Variants in LRRTM4 observed in about 807,000 individuals in gnomAD.
The protein encoded by LRRTM4 is leucine-rich repeat transmembrane neuronal protein 4.
A neutral mutation model predicts 47.6 loss-of-function variants in LRRTM4; 25 were observed. The observed-to-expected ratio is 0.53, with a 90% CI of 0.38 to 0.73. The LOEUF (loss-of-function observed/expected upper bound fraction) is 0.73. Among genes scored for constraint, LRRTM4 ranks in the 30% least tolerant of loss-of-function variants. The pLI is 0.00. For synonymous variants in LRRTM4, 311 were observed against 269.5 expected (o/e 1.15, Z -1.51); for missense variants, 638 against 713.4 (o/e 0.89, Z 1.20).
chr2:76,863,358 A>G (rs571664555), intron 3 of LRRTM4, among the ~76,000 whole-genome samples: 3 of 152,322 alleles, frequency 2.0e-5, no homozygotes, highest in Admixed American at 6.5e-5. Flanking sequence ...TTAATATAAT[A>G]TAATGACCCA....
chr2:76,799,560 C>T (rs1006758976), intron 3 of LRRTM4, among the ~76,000 whole-genome samples: 1 of 142,750 alleles, frequency 7.0e-6, no homozygotes, highest in Non-Finnish European at 1.5e-5. Flanking sequence ...GATGCCCTCT[C>T]TCACCACTCC....
intron 3 of LRRTM4, among the ~76,000 whole-genome samples, chr2:77,008,300 C>G (rs1677735389): frequency 6.6e-6 from 1 of 152,102 alleles, no homozygotes; most frequent in South Asian, 2.1e-4. Flanking sequence ...ATATGTAAAA[C>G]CTCTAACCTT....
intron 3 of LRRTM4, among the ~76,000 whole-genome samples, chr2:76,810,688 T>A (rs531313675): frequency 5.8e-4 from 88 of 152,294 alleles, no homozygotes; most frequent in Admixed American, 1.8e-3. Flanking sequence ...TAACTTAACT[T>A]CCTTATTTAG....
rs1222177148 is a variant in LRRTM4, at chr2:77,411,618, ATTTTTTT to A, written c.1551+106693_1551+106699del. On this transcript the variant is annotated intron_variant, in intron 3 of 3. Coordinates refer to ENST00000409884, the MANE Select transcript of LRRTM4 (RefSeq NM_001134745.3). ...CAGGCCCCCGCCACCATGCCCGGCT[ATTTTTTT>A]TTTTTTTTTTTTTTTTTTGTAATTT... Among the ~76,000 whole-genome samples, 37 of 64,802 alleles carry A rather than the reference ATTTTTTT, an allele frequency of 5.7e-4. 1 individual carries two copies. The highest frequency in any genetic ancestry group is 1.5e-3 in the African/African-American group (23 of 15,632). The allele number at this position is 64,802 out of a possible 152,430, so 42.5% of individuals were successfully genotyped here.
At chr2:76,854,274 T>TATTA (rs1672083554) in intron 3 of LRRTM4, among the ~76,000 whole-genome samples, 1 of 152,136 alleles carries the variant, frequency 6.6e-6, no homozygotes. Flanking sequence ...GGGTTAGTAT[T>TATTA]ATTATTTTAA....
chr2:76,954,484 A>C (rs75631408), intron 3 of LRRTM4, among the ~76,000 whole-genome samples: 3,083 of 151,178 alleles, frequency 0.02, 89 homozygotes, highest in African/African-American at 0.066. Context: ...GTCATTTGAA[A>C]TTATCCAGCC....
intron 3 of LRRTM4, among the ~76,000 whole-genome samples, chr2:77,229,444 A>C (rs1674904251): frequency 6.6e-6 from 1 of 152,136 alleles, no homozygotes; most frequent in African/African-American, 2.4e-5. Flanking sequence ...CTAAATTACT[A>C]GTTCAACTTT....
chr2:76,798,165 C>T (rs1675455351), intron 3 of LRRTM4, among the ~76,000 whole-genome samples: 1 of 152,048 alleles, frequency 6.6e-6, no homozygotes, highest in Non-Finnish European at 1.5e-5. Flanking sequence ...CAGCACCGCA[C>T]CACACCTATT....
At chr2:77,472,411 C>T (rs943006236) in intron 3 of LRRTM4, among the ~76,000 whole-genome samples, 9 of 152,176 alleles carry the variant, frequency 5.9e-5, no homozygotes, top group South Asian at 2.1e-4. Flanking sequence ...CTCACAGGAA[C>T]GTACCCTGTA....
intron 3 of LRRTM4, among the ~76,000 whole-genome samples, chr2:76,984,202 G>A (rs1676713616): frequency 6.6e-6 from 1 of 151,968 alleles, no homozygotes; most frequent in Admixed American, 6.6e-5. Flanking sequence ...ATACACATAA[G>A]ACAGCTTTTC....
intron 3 of LRRTM4, among the ~76,000 whole-genome samples, chr2:77,371,832 T>G (rs1002635769): frequency 6.6e-6 from 1 of 151,726 alleles, no homozygotes; most frequent in African/African-American, 2.4e-5. Flanking sequence ...CCACGGTAAA[T>G]GGTCATGTCA....
chr2:77,198,103 G>A (rs967530551), intron 3 of LRRTM4, among the ~76,000 whole-genome samples: 3 of 152,070 alleles, frequency 2.0e-5, no homozygotes, highest in African/African-American at 4.8e-5. Context: ...CTTCTATTTC[G>A]TCTTCATGCA....
At chr2:76,898,987 T>C (rs1339376080) in intron 3 of LRRTM4, among the ~76,000 whole-genome samples, 1 of 152,060 alleles carries the variant, frequency 6.6e-6, no homozygotes, top group African/African-American at 2.4e-5. Flanking sequence ...TTCTCTTTGA[T>C]TAATTTACAT....
rs1425706105 is a variant in LRRTM4, at chr2:77,521,837, C to CAG, written c.-147-20_-147-19insCT. 6.6e-6 allele frequency: 1 copy of CAG among 150,458 alleles called. No homozygotes were observed. The highest frequency in any genetic ancestry group is 4.5e-5 in the African/African-American group (1 of 22,230). 9.3% of individuals were successfully genotyped at this position (150,458 alleles called of 1,614,324 possible). On this transcript the variant is annotated intron_variant, in intron 1 of 3. Transcript: ENST00000409884. Reference sequence around the variant, plus strand: ...ATACAAACTTCCCCGAGAGGACAGGCAAAAAAAAAAAAAAAAAATACATAT... The same window carrying CAG: ...ATACAAACTTCCCCGAGAGGACAGGCAGAAAAAAAAAAAAAAAAAATACATAT...
chr2:77,320,132 C>T (rs2104223029), intron 3 of LRRTM4, among the ~76,000 whole-genome samples: 1 of 151,106 alleles, frequency 6.6e-6, no homozygotes. Flanking sequence ...ACTCTGAGGC[C>T]TCTGCCCTCC....
chr2:76,899,657 A>C (rs1468705545), intron 3 of LRRTM4, among the ~76,000 whole-genome samples: 1 of 152,102 alleles, frequency 6.6e-6, no homozygotes, highest in Non-Finnish European at 1.5e-5. Flanking sequence ...GTAATAGAAA[A>C]ATTATTAAAA....
rs1679218939 is a variant in LRRTM4, at chr2:77,516,706, T to C, written c.1551+1612A>G. The C allele has an allele frequency of 8.3e-6, 8 of 967,726 alleles. 1 individual carries two copies. In the South Asian group the frequency reaches 3.4e-4, roughly 41 times the overall value. The allele number at this position is 967,726 out of a possible 1,614,324, so 59.9% of individuals were successfully genotyped here. ...TATTCTTTTTAATTTTTAAGGGCAA[T>C]TGCTTATACAGTTTCCTTTTAGGAA... On this transcript the variant is annotated intron_variant, in intron 3 of 3. Transcript: ENST00000409884.
chr2:76,998,837 C>T (rs533476731), intron 3 of LRRTM4, among the ~76,000 whole-genome samples: 1 of 151,526 alleles, frequency 6.6e-6, no homozygotes, highest in African/African-American at 2.4e-5. Flanking sequence ...GACTTATAGC[C>T]CCTTTGTGGT....
chr2:77,020,997 TG>T lies in LRRTM4; in HGVS notation c.1552-272082del, dbSNP rs369910231. Among the ~76,000 whole-genome samples, 50 of 152,312 alleles carry T rather than the reference TG, an allele frequency of 3.3e-4. No homozygotes were observed. The East Asian group carries it at 9.5e-3, about 29-fold the overall frequency. ...ATCCTGTATGTGTCTCACCATTATA[TG>T]CTTGGAGCATGAAGGTATATAACTC... On this transcript the variant is annotated intron_variant, in intron 3 of 3. Transcript: ENST00000409884.
Sources: allele counts gnomAD v4.1 joint callset (sites outside exome capture counted in the v4.1 genomes callset), GRCh38; gene constraint gnomAD v4.1.1; transcripts MANE v1.5; gene names NCBI Gene and HGNC (gene_info 2026-07-23, HGNC 2026-07-21).